The following WDR41 variants were observed in gnomAD, a reference collection of about 807,000 sequenced individuals.
WDR41 encodes WD repeat-containing protein 41.
A neutral mutation model predicts 69.3 loss-of-function variants in WDR41; 63 were observed. The observed-to-expected ratio is 0.91, with a 90% CI of 0.74 to 1.12. The LOEUF (loss-of-function observed/expected upper bound fraction) is 1.12. WDR41 is among the 50% of genes most tolerant of loss of function. The pLI is 0.00. For synonymous variants in WDR41, 185 were observed against 192.1 expected (o/e 0.96, Z 0.31); for missense variants, 543 against 534.5 (o/e 1.02, Z -0.16).
chr5:77,599,296 G>A (rs1260919130), intron 1 of WDR41, among the ~76,000 whole-genome samples: 1 of 150,562 alleles, frequency 6.6e-6, no homozygotes, highest in African/African-American at 2.4e-5. Flanking sequence ...CGCCTCTGGG[G>A]ATCAAGTGAT....
intron 12 of WDR41, among the ~76,000 whole-genome samples, chr5:77,435,158 A>C (rs148592496): frequency 1.3e-5 from 2 of 152,248 alleles, no homozygotes; most frequent in Non-Finnish European, 2.9e-5. Context: ...CAAAGTTAAA[A>C]ACTGAGCTAC....
intron 1 of WDR41, among the ~76,000 whole-genome samples, chr5:77,529,958 A>G (rs1376123775): frequency 6.6e-6 from 1 of 151,730 alleles, no homozygotes; most frequent in Non-Finnish European, 1.5e-5. Flanking sequence ...GGAAAACACT[A>G]ACCATAGAAA....
intron 2 of WDR41, among the ~76,000 whole-genome samples, chr5:77,465,383 T>C (rs1455106911): frequency 1.3e-5 from 2 of 152,126 alleles, no homozygotes; most frequent in African/African-American, 4.8e-5. Context: ...TCTTATGGCA[T>C]GAAAAATGAG....
chr5:77,600,954 TG>T (rs1744313198), intron 1 of WDR41, among the ~76,000 whole-genome samples: 2 of 151,678 alleles, frequency 1.3e-5, no homozygotes, highest in African/African-American at 4.8e-5. Flanking sequence ...TGTGTGTGTG[TG>T]TGTGTGTGTA....
At chr5:77,611,937 C>T (rs1483666846) in intron 1 of WDR41, among the ~76,000 whole-genome samples, 2 of 151,904 alleles carry the variant, frequency 1.3e-5, no homozygotes, top group South Asian at 2.1e-4. Flanking sequence ...CAAATAGACA[C>T]AATAAAAAAT....
intron 12 of WDR41, among the ~76,000 whole-genome samples, chr5:77,435,953 TCTGTTTA>T (rs1283976627): frequency 1.3e-5 from 2 of 152,222 alleles, no homozygotes; most frequent in Non-Finnish European, 2.9e-5. Context: ...TCATGCATCC[TCTGTTTA>T]CTGTTGTCAT....
intron 1 of WDR41, among the ~76,000 whole-genome samples, chr5:77,543,274 G>C (rs906296390): frequency 1.3e-5 from 2 of 152,112 alleles, no homozygotes. Context: ...AATCACACTA[G>C]CTCACCAGCA....
chr5:77,498,143 A>G (rs1357127939), intron 1 of WDR41, among the ~76,000 whole-genome samples: 3 of 152,210 alleles, frequency 2.0e-5, no homozygotes, highest in Non-Finnish European at 4.4e-5. Flanking sequence ...GTTGAGACCA[A>G]TGAAAAACAT....
chr5:77,600,128 T>C (rs1254513288), intron 1 of WDR41, among the ~76,000 whole-genome samples: 1 of 152,198 alleles, frequency 6.6e-6, no homozygotes, highest in Non-Finnish European at 1.5e-5. Flanking sequence ...TAAACTTTCA[T>C]AGGTCAAACA....
intron 1 of WDR41, among the ~76,000 whole-genome samples, chr5:77,497,331 T>C (rs573806260): frequency 2.0e-5 from 3 of 152,174 alleles, no homozygotes; most frequent in African/African-American, 7.2e-5. Flanking sequence ...AAGAAAATAT[T>C]TGCAAATCAT....
At position 77,553,400 on chromosome 5, in the gene WDR41, C is replaced by CT. The variant is rs1375631914; in HGVS notation, c.43-63829dup. ...AAGGGCCTAAGCTAGTTCCCTCCAGCTAGGCACCAATTCATTCATGAGAGC... is the reference window on the plus strand; with the variant it reads ...AAGGGCCTAAGCTAGTTCCCTCCAGCTTAGGCACCAATTCATTCATGAGAGC... On this transcript the variant is annotated intron_variant, in intron 1 of 5. Coordinates refer to the WDR41 transcript ENST00000509971. Among the ~76,000 whole-genome samples the CT allele has an allele frequency of 2.0e-4, 31 of 152,260 alleles. No individual in the cohort carries two copies. The East Asian group carries it at 5.6e-3, about 28-fold the overall frequency.
At chr5:77,512,355 A>AGAGAGAGAGAGAGAGAGAGAGAGAGG (rs1335024335) in intron 1 of WDR41, among the ~76,000 whole-genome samples, 1 of 119,320 alleles carries the variant, frequency 8.4e-6, no homozygotes, top group Non-Finnish European at 1.8e-5. Context: ...AGAGAGAGTG[A>AGAGAGAGAGAGAGAGAGAGAGAGAGG]GTGTGTGTGT....
chr5:77,451,366 A>T lies in WDR41; in HGVS notation c.524-13T>A, dbSNP rs756573394. 1 of 1,610,774 alleles carries T rather than the reference A, an allele frequency of 6.2e-7. No individual in the cohort carries two copies. The highest frequency in any genetic ancestry group is 8.5e-7 in the Non-Finnish European group (1 of 1,178,404). The stretch of plus-strand genomic sequence containing the variant: ...AAAGCACTAATACCTCCAAAAACAT[A>T]TAAAACAAAGTTCAAATTATTTTTC... On this transcript the variant is annotated splice_polypyrimidine_tract_variant and intron_variant, in intron 6 of 12. Transcript: ENST00000296679.
rs1800332864 is a variant in WDR41, at chr5:77,466,903, T to C, written c.168-2094A>G. The stretch of plus-strand genomic sequence containing the variant: ...TACAAACCAGTATAACTTTGACACA[T>C]ATTAGTACCTGTCATAAAAAAACTA... On this transcript the variant is annotated intron_variant, in intron 2 of 12. Transcript: ENST00000296679. 2.0e-5 allele frequency among the ~76,000 whole-genome samples: 3 copies of C among 151,172 alleles called. No individual in the cohort carries two copies. In the South Asian group the frequency reaches 6.2e-4, roughly 31 times the overall value.
chr5:77,582,718 C>T (rs1743961748), intron 1 of WDR41: 7 of 1,590,642 alleles, frequency 4.4e-6, no homozygotes, highest in Non-Finnish European at 6.0e-6. Flanking sequence ...TCTTCGCCTT[C>T]GTCAAATCTT....
intron 1 of WDR41, among the ~76,000 whole-genome samples, chr5:77,587,565 T>A (rs1744063093): frequency 6.6e-6 from 1 of 152,342 alleles, no homozygotes; most frequent in African/African-American, 2.4e-5. Context: ...TGAAGTGTTA[T>A]CTTTTGTTTT....
At chr5:77,608,824 C>A (rs1744480112) in intron 1 of WDR41, among the ~76,000 whole-genome samples, 1 of 152,198 alleles carries the variant, frequency 6.6e-6, no homozygotes, top group Non-Finnish European at 1.5e-5. Context: ...GTGCAGTGCA[C>A]CGTGCGCAAG....
chr5:77,536,177 A>C (rs568332182), intron 1 of WDR41, among the ~76,000 whole-genome samples: 12 of 152,160 alleles, frequency 7.9e-5, no homozygotes, highest in Non-Finnish European at 1.6e-4. Context: ...TTCAGAATTT[A>C]GATTCCAAAA....
At chr5:77,437,164 T>G (rs550918720) in intron 11 of WDR41, among the ~76,000 whole-genome samples, 172 bp downstream of exon 11, 1 of 152,228 alleles carries the variant, frequency 6.6e-6, no homozygotes, top group Non-Finnish European at 1.5e-5. Flanking sequence ...ATTAGGGCAG[T>G]ATTAAGCTGT....
Sources: gnomAD v4.1 joint callset for allele counts (sites outside exome capture counted in the v4.1 genomes callset) on GRCh38, gnomAD v4.1.1 for gene constraint, MANE v1.5 for transcripts, NCBI Gene and HGNC (gene_info 2026-07-23, HGNC 2026-07-21) for gene names.